The following CDC123 variants were observed in gnomAD, a reference collection of about 807,000 sequenced individuals.
The protein encoded by CDC123 is translation initiation factor eIF2 assembly protein.
CDC123 carries 37 observed loss-of-function variants against 54.4 expected under a neutral mutation model. The observed-to-expected ratio is 0.68, with a 90% CI of 0.52 to 0.89. The LOEUF (loss-of-function observed/expected upper bound fraction) is 0.89, where lower values mean the gene tolerates loss of function less well. Ranked by LOEUF, CDC123 falls within the 40% of genes least tolerant of loss-of-function variation. CDC123 has a pLI of 0.00. For synonymous variants in CDC123, 144 were observed against 136.8 expected (o/e 1.05, Z -0.37); for missense variants, 361 against 412.1 (o/e 0.88, Z 1.07).
At chr10:12,196,430 G>A (rs1564430284) in intron 1 of CDC123, 111 bp downstream of exon 1, 1 of 1,398,090 alleles carries the variant, frequency 7.2e-7, no homozygotes, top group East Asian at 2.3e-5. Flanking sequence ...TGCATGGGAG[G>A]GAGTGTGTCG....
In CDC123 at chr10:12,249,638, T is replaced by C. The variant is rs879173055; in HGVS notation, c.904T>C (p.Leu302=). 1.9e-6 allele frequency: 3 copies of C among 1,614,034 alleles called. No individual in the cohort carries two copies. Among genetic ancestry groups the C allele is most frequent in the Non-Finnish European group, 2.5e-6 (3 of 1,180,020 alleles). Residue 302 remains leucine (L), a synonymous_variant, in exon 12 of 13, where the codon TTG becomes CTG. Transcript: ENST00000281141. The stretch of plus-strand genomic sequence containing the variant: ...AGTGACAGTCCAGCCCAGCCCCTAT[T>C]TGAGTTACCGGCTACCCAAGGACTT... ...SEVTVQPSPY[L]SYRLPKDFVD...
At position 12,206,729 on chromosome 10, in the gene CDC123, A is replaced by T. The variant is rs192775466; in HGVS notation, c.147-3238A>T. ...ATCCCAGTGCTTTAGGAGGCCAAGG[A>T]GGGCGGATCACAAGGTCAGGAGATC... On this transcript the variant is annotated intron_variant, in intron 2 of 12. Coordinates refer to ENST00000281141, the MANE Select transcript of CDC123 (RefSeq NM_006023.3). Among the ~76,000 whole-genome samples the T allele has an allele frequency of 4.6e-3, 694 of 152,194 alleles. 3 individuals are homozygous for T. Among genetic ancestry groups the T allele is most frequent in the Non-Finnish European group, 7.5e-3 (507 of 67,992 alleles).
chr10:12,203,032 AAAAT>A (rs1835463115), intron 2 of CDC123, among the ~76,000 whole-genome samples: 1 of 152,250 alleles, frequency 6.6e-6, no homozygotes, highest in South Asian at 2.1e-4. Context: ...CAAACAAACA[AAAAT>A]AAAGGATATT....
chr10:12,196,343 G>C, intron 1 of CDC123, 24 bp downstream of exon 1: 2 of 1,613,826 alleles, frequency 1.2e-6, no homozygotes, highest in Non-Finnish European at 1.7e-6. Context: ...GGGTTCGCCC[G>C]GTCGACCGGC....
chr10:12,238,756 A>T (rs990559854), intron 10 of CDC123, among the ~76,000 whole-genome samples: 1 of 152,116 alleles, frequency 6.6e-6, no homozygotes, highest in Non-Finnish European at 1.5e-5. Context: ...ACAGTGGCTC[A>T]CACCTGTAAC....
At chr10:12,228,095 C>T (rs778057266) in intron 6 of CDC123, among the ~76,000 whole-genome samples, 12 of 151,784 alleles carry the variant, frequency 7.9e-5, no homozygotes, top group South Asian at 2.1e-4. Context: ...GCCTCCGTAC[C>T]GGCTAATTTT....
At chr10:12,208,100 C>CT (rs1283248546) in intron 2 of CDC123, among the ~76,000 whole-genome samples, 2 of 151,994 alleles carry the variant, frequency 1.3e-5, no homozygotes, top group African/African-American at 2.4e-5. Context: ...TCCTTGGGAT[C>CT]TTTTTTTTAG....
At chr10:12,207,209 T>C (rs770433874) in intron 2 of CDC123, among the ~76,000 whole-genome samples, 8 of 152,084 alleles carry the variant, frequency 5.3e-5, no homozygotes, top group Non-Finnish European at 1.0e-4. Context: ...TTATTTCTTC[T>C]CTATTTTCTC....
chr10:12,223,313 T>TC (rs1480562897), intron 6 of CDC123, among the ~76,000 whole-genome samples: 1 of 151,898 alleles, frequency 6.6e-6, no homozygotes, highest in African/African-American at 2.4e-5. Context: ...TGAGACAGAG[T>TC]CTCGCTCTGT....
At chr10:12,229,681 C>T (rs564460314) in intron 6 of CDC123, among the ~76,000 whole-genome samples, 1 of 152,314 alleles carries the variant, frequency 6.6e-6, no homozygotes, top group East Asian at 1.9e-4. Context: ...TCAACCAGAA[C>T]AAAGGAGTCT....
intron 7 of CDC123, among the ~76,000 whole-genome samples, chr10:12,234,277 G>A (rs1835946432): frequency 6.6e-6 from 1 of 152,228 alleles, no homozygotes; most frequent in Non-Finnish European, 1.5e-5. Flanking sequence ...TGTGTTTTTA[G>A]TAGAGGAGGT....
intron 2 of CDC123, among the ~76,000 whole-genome samples, chr10:12,206,819 T>C (rs7094849): frequency 0.029 from 4,444 of 151,660 alleles, 215 homozygotes; most frequent in African/African-American, 0.1. Context: ...ATTAGCCGGG[T>C]GTGGTGGCGG....
At chr10:12,209,913 A>C in intron 2 of CDC123, 54 bp from the exon 3 acceptor site, 3 of 1,539,212 alleles carry the variant, frequency 1.9e-6, no homozygotes, top group Non-Finnish European at 2.7e-6. Context: ...TGAAATTAGG[A>C]GCATGCGGTG....
chr10:12,198,927 T>G, intron 2 of CDC123, 151 bp downstream of exon 2: 1 of 564,098 alleles, frequency 1.8e-6, no homozygotes, highest in Non-Finnish European at 3.2e-6. Flanking sequence ...TCCTTCTCAA[T>G]GTTCACTTAA....
chr10:12,212,727 A>C (rs1835618859), intron 4 of CDC123, among the ~76,000 whole-genome samples: 1 of 152,212 alleles, frequency 6.6e-6, no homozygotes, highest in African/African-American at 2.4e-5. Context: ...ATGCAGGTGC[A>C]CAACCCAGCT....
Position 12,197,508 on chromosome 10 carries a change from C to G in CDC123, c.74+1189C>G, listed in dbSNP as rs190332232. Among the ~76,000 whole-genome samples, 740 of 149,906 alleles carry G rather than the reference C, an allele frequency of 4.9e-3. 5 individuals are homozygous for G. Among genetic ancestry groups the G allele is most frequent in the African/African-American group, 0.017 (712 of 40,740 alleles). On this transcript the variant is annotated intron_variant, in intron 1 of 12. Transcript: ENST00000281141. ...TCTCCTGCCTCAGCTTCCTGAGTAGCTGGGACTACAGGCGCCCGCCACCAC... is the reference window on the plus strand; with the variant it reads ...TCTCCTGCCTCAGCTTCCTGAGTAGGTGGGACTACAGGCGCCCGCCACCAC...
At chr10:12,228,589 A>G (rs1177105710) in intron 6 of CDC123, among the ~76,000 whole-genome samples, 1 of 149,768 alleles carries the variant, frequency 6.7e-6, no homozygotes, top group African/African-American at 2.5e-5. Context: ...TCTTTTTTTG[A>G]GATGGAGTTT....
intron 10 of CDC123, among the ~76,000 whole-genome samples, chr10:12,242,300 G>A (rs1231597510): frequency 6.6e-6 from 1 of 152,114 alleles, no homozygotes; most frequent in Admixed American, 6.6e-5. Flanking sequence ...GCCTTCCCTC[G>A]CACATGTAGG....
chr10:12,201,424 G>A (rs555538807), intron 2 of CDC123, among the ~76,000 whole-genome samples: 18 of 151,942 alleles, frequency 1.2e-4, no homozygotes, highest in African/African-American at 3.4e-4. Flanking sequence ...GGAATGCTCC[G>A]AAGAAGGATC....
Sources: gnomAD v4.1 joint callset for allele counts (sites outside exome capture counted in the v4.1 genomes callset) on GRCh38, gnomAD v4.1.1 for gene constraint, MANE v1.5 for transcripts, NCBI Gene and HGNC (gene_info 2026-07-23, HGNC 2026-07-21) for gene names.